KCNIP4: variants seen among roughly 807,000 people sequenced by gnomAD.
KCNIP4 encodes potassium voltage-gated channel interacting protein 4.
A neutral mutation model predicts 34.0 loss-of-function variants in KCNIP4; 12 were observed. The observed-to-expected ratio is 0.35, with a 90% CI of 0.23 to 0.57. The LOEUF (loss-of-function observed/expected upper bound fraction) is 0.57, where lower values mean the gene tolerates loss of function less well. Among genes scored for constraint, KCNIP4 ranks in the 20% least tolerant of loss-of-function variants. The pLI, the probability that KCNIP4 is intolerant of heterozygous loss-of-function variation, is 0.83. For missense variants in KCNIP4, 238 were observed against 311.7 expected, an observed-to-expected ratio of 0.76 and a Z score of 1.78; for synonymous variants, 124 against 102.2, an observed-to-expected ratio of 1.21 and a Z score of -1.29.
At chr4:21,440,450 T>A (rs1727362624) in intron 1 of KCNIP4, among the ~76,000 whole-genome samples, 1 of 152,238 alleles carries the variant, frequency 6.6e-6, no homozygotes, top group Admixed American at 6.5e-5. Context: ...ACTGTTCAAA[T>A]CACTGTAATC....
chr4:21,374,312 GAAAGGCA>G (rs1481702263), intron 1 of KCNIP4, among the ~76,000 whole-genome samples: 2 of 147,202 alleles, frequency 1.4e-5, no homozygotes, highest in East Asian at 4.0e-4. Flanking sequence ...GGCGGAAGGT[GAAAGGCA>G]AAAGGCACAA....
rs34275287 is a variant in KCNIP4 at position 21,637,568 on chromosome 4, C to A, written c.61+311003G>T. On this transcript the variant is annotated intron_variant, in intron 1 of 8. Coordinates refer to ENST00000382152, the MANE Select transcript of KCNIP4 (RefSeq NM_025221.6). ...GAGACTGAGGCGGGTGGATGGCTTG[C>A]GGATAGGCATTCAAGACCAGACTGG... Among the ~76,000 whole-genome samples the A allele has an allele frequency of 1.7e-4, 25 of 149,882 alleles. No individual in the cohort carries two copies. The East Asian group carries it at 3.9e-3, about 23-fold the overall frequency.
chr4:21,344,066 C>T (rs754361882), intron 1 of KCNIP4, among the ~76,000 whole-genome samples: 11 of 152,022 alleles, frequency 7.2e-5, no homozygotes, highest in Non-Finnish European at 1.5e-4. Flanking sequence ...ACAGAGGAGA[C>T]AAAGAACTCA....
chr4:21,029,496 C>T (rs1454613138), intron 1 of KCNIP4, among the ~76,000 whole-genome samples: 1 of 152,164 alleles, frequency 6.6e-6, no homozygotes, highest in Non-Finnish European at 1.5e-5. Flanking sequence ...ATTAAATGAT[C>T]TGGTCAAAAC....
At chr4:21,009,734 A>G (rs183880418) in intron 1 of KCNIP4, among the ~76,000 whole-genome samples, 22 of 152,346 alleles carry the variant, frequency 1.4e-4, no homozygotes, top group African/African-American at 5.3e-4. Flanking sequence ...TGTCTTGACA[A>G]AGGACATATC....
At chr4:21,293,994 A>G (rs569615344) in intron 1 of KCNIP4, among the ~76,000 whole-genome samples, 2 of 152,302 alleles carry the variant, frequency 1.3e-5, no homozygotes, top group South Asian at 2.1e-4. Flanking sequence ...GACCACTTCT[A>G]GTTATATGAT....
At chr4:20,902,151 G>T (rs1369395708) in intron 1 of KCNIP4, among the ~76,000 whole-genome samples, 2 of 152,100 alleles carry the variant, frequency 1.3e-5, no homozygotes, top group East Asian at 3.9e-4. Context: ...AGATAATGGG[G>T]TGACTTGAAC....
At chr4:21,835,672 A>G (rs954930803) in intron 1 of KCNIP4, among the ~76,000 whole-genome samples, 5 of 151,974 alleles carry the variant, frequency 3.3e-5, no homozygotes, top group Non-Finnish European at 5.9e-5. Context: ...AATTATCGGT[A>G]TTTTCATACC....
At chr4:21,642,696 A>C (rs1746700642) in intron 1 of KCNIP4, among the ~76,000 whole-genome samples, 2 of 151,970 alleles carry the variant, frequency 1.3e-5, no homozygotes, top group Non-Finnish European at 2.9e-5. Flanking sequence ...CACAAATTCC[A>C]CTGATGTGGA....
chr4:21,474,739 G>T (rs1730779089), intron 1 of KCNIP4, among the ~76,000 whole-genome samples: 2 of 150,946 alleles, frequency 1.3e-5, no homozygotes, highest in Admixed American at 1.3e-4. Flanking sequence ...GCTCACGCCT[G>T]TAATCCCAGC....
At chr4:21,519,528 A>ATATATACACATATGTGTGTG (rs1560479905) in intron 1 of KCNIP4, among the ~76,000 whole-genome samples, 1 of 58,912 alleles carries the variant, frequency 1.7e-5, no homozygotes, top group Non-Finnish European at 3.4e-5. Context: ...ATATGTGTGT[A>ATATATACACATATGTGTGTG]TGTGTATGTG....
At chr4:21,060,658 T>C (rs1009225430) in intron 1 of KCNIP4, among the ~76,000 whole-genome samples, 3 of 152,098 alleles carry the variant, frequency 2.0e-5, no homozygotes, top group Non-Finnish European at 4.4e-5. Flanking sequence ...TAAGTAAGAA[T>C]AGTTAAGAAG....
intron 1 of KCNIP4, among the ~76,000 whole-genome samples, chr4:21,841,377 G>A (rs1011578925): frequency 1.3e-5 from 2 of 152,124 alleles, no homozygotes; most frequent in Non-Finnish European, 2.9e-5. Flanking sequence ...TTGTTAGCAG[G>A]AAGCTATTCG....
At chr4:20,789,691 G>A (rs1368191861) in intron 3 of KCNIP4, among the ~76,000 whole-genome samples, 2 of 151,568 alleles carry the variant, frequency 1.3e-5, no homozygotes, top group Non-Finnish European at 2.9e-5. Context: ...ACTGCCATAT[G>A]AAAAAGCACA....
chr4:21,290,284 A>G (rs1692282492), intron 1 of KCNIP4, among the ~76,000 whole-genome samples: 1 of 152,144 alleles, frequency 6.6e-6, no homozygotes, highest in Admixed American at 6.5e-5. Context: ...GGACCCAAAA[A>G]TGTTTTTCAT....
intron 1 of KCNIP4, among the ~76,000 whole-genome samples, chr4:21,386,422 C>G (rs2109495554): frequency 6.6e-6 from 1 of 152,142 alleles, no homozygotes; most frequent in African/African-American, 2.4e-5. Flanking sequence ...TTATGAAAGA[C>G]TGTCATAAAA....
At chr4:21,466,678 G>A (rs1729966890) in intron 1 of KCNIP4, among the ~76,000 whole-genome samples, 1 of 152,130 alleles carries the variant, frequency 6.6e-6, no homozygotes, top group South Asian at 2.1e-4. Context: ...CATTGCTTCT[G>A]CAGTGTCCTG....
At chr4:21,277,662 C>T (rs75137794) in intron 1 of KCNIP4, among the ~76,000 whole-genome samples, 6,231 of 152,148 alleles carry the variant, frequency 0.041, 320 homozygotes, top group East Asian at 0.14. Context: ...TAGAAAATTG[C>T]AATAGCAATT....
chr4:21,220,561 T>A (rs879313320), intron 1 of KCNIP4, among the ~76,000 whole-genome samples: 1 of 151,640 alleles, frequency 6.6e-6, no homozygotes, highest in African/African-American at 2.4e-5. Context: ...AGTATAATAA[T>A]AAATAATAAT....
Sources: allele counts gnomAD v4.1 joint callset (sites outside exome capture counted in the v4.1 genomes callset), GRCh38; gene constraint gnomAD v4.1.1; transcripts MANE v1.5; gene names NCBI Gene and HGNC (gene_info 2026-07-23, HGNC 2026-07-21).